The following SCN3B variants were observed in gnomAD, a reference collection of about 807,000 sequenced individuals.
SCN3B encodes the protein sodium channel regulatory subunit beta-3.
In SCN3B, 11 loss-of-function variants were observed where a neutral mutation model predicts 25.4. The observed-to-expected ratio is 0.43, with a 90% CI of 0.27 to 0.72. The LOEUF (loss-of-function observed/expected upper bound fraction) is 0.72. Among genes scored for constraint, SCN3B ranks in the 30% least tolerant of loss-of-function variants. The pLI is 0.18. For missense variants in SCN3B, 218 were observed against 278.3 expected (o/e 0.78, Z 1.54); for synonymous variants, 109 against 110.7 (o/e 0.99, Z 0.09).
chr11:123,636,763 G>A (rs1466176861), intron 5 of SCN3B, among the ~76,000 whole-genome samples: 2 of 151,398 alleles, frequency 1.3e-5, no homozygotes, highest in Non-Finnish European at 2.9e-5. Context: ...CCGTGATCTC[G>A]GCTCACTGCA....
chr11:123,653,534 G>A lies in SCN3B; in HGVS notation c.55+213C>T, dbSNP rs1591352341. 2.0e-5 allele frequency among the ~76,000 whole-genome samples: 3 copies of A among 152,242 alleles called. No homozygotes were observed. The East Asian group carries it at 5.8e-4, about 29-fold the overall frequency. ...GAAGGGCGGAAGAACCACCAAAGGA[G>A]GTTGGAGAATAGCGGGGAAGGGCGG... On this transcript the variant is annotated intron_variant, in intron 2 of 6. Transcript: ENST00000299333.
intron 3 of SCN3B, among the ~76,000 whole-genome samples, chr11:123,644,636 GT>G (rs1955826007): frequency 1.3e-5 from 2 of 151,888 alleles, no homozygotes; most frequent in South Asian, 4.2e-4. Context: ...GCTGGGCATG[GT>G]GGTGGTGCCT....
chr11:123,652,176 G>A (rs1333735081), intron 2 of SCN3B, among the ~76,000 whole-genome samples: 1 of 152,154 alleles, frequency 6.6e-6, no homozygotes, highest in African/African-American at 2.4e-5. Flanking sequence ...CTTTACCGAC[G>A]CTCTTTTTAT....
intron 2 of SCN3B, among the ~76,000 whole-genome samples, chr11:123,649,926 A>T (rs1955904629): frequency 6.6e-6 from 1 of 151,822 alleles, no homozygotes; most frequent in African/African-American, 2.4e-5. Context: ...CTAGTCTCAA[A>T]CTTCTGACCT....
intron 2 of SCN3B, 42 bp from the exon 3 acceptor site, chr11:123,645,792 T>G: frequency 1.2e-6 from 2 of 1,604,032 alleles, no homozygotes; most frequent in Non-Finnish European, 1.7e-6. Flanking sequence ...CAGCAGGTGG[T>G]GGGGGAGGGG....
intron 5 of SCN3B, among the ~76,000 whole-genome samples, chr11:123,636,847 C>G (rs140569001): frequency 1.2e-3 from 184 of 152,228 alleles, no homozygotes; most frequent in African/African-American, 4.2e-3. Flanking sequence ...GCACCCGCCA[C>G]CATGCCCGGC....
At position 123,630,499 on chromosome 11, in the gene SCN3B, T is replaced by C. The variant is rs1224669333; in HGVS notation, c.*3300A>G. Reference sequence around the variant, plus strand: ...TTGAGAACTCTTCTAAGCCCTTTAATAAGCAACATCATGCCAGATAAAGCT... The same window carrying C: ...TTGAGAACTCTTCTAAGCCCTTTAACAAGCAACATCATGCCAGATAAAGCT... On this transcript the variant is annotated 3_prime_UTR_variant, in exon 7 of 7. Coordinates refer to ENST00000299333, the MANE Select transcript of SCN3B (RefSeq NM_001040151.2). 2.0e-5 allele frequency: 3 copies of C among 152,750 alleles called. No individual in the cohort carries two copies. In the East Asian group the frequency reaches 5.8e-4, roughly 29 times the overall value. The allele number at this position is 152,750 out of a possible 1,614,324, so 9.5% of individuals were successfully genotyped here.
chr11:123,644,788 AGAGAG>A (rs1955828565), intron 3 of SCN3B, among the ~76,000 whole-genome samples: 3 of 104,870 alleles, frequency 2.9e-5, no homozygotes, highest in Non-Finnish European at 3.8e-5. Flanking sequence ...AGAGAGAGAG[AGAGAG>A]AGAGAGAATA....
At position 123,630,038 on chromosome 11, in the gene SCN3B, G is replaced by C. The variant is rs577354562; in HGVS notation, c.*3761C>G. ...CCAATAATTTTGGGGAGAGAGGAGG[G>C]AGTTGCTGTCTCCTACTTCCCAGCA... On this transcript the variant is annotated 3_prime_UTR_variant, in exon 7 of 7. Coordinates refer to ENST00000299333, the MANE Select transcript of SCN3B (RefSeq NM_001040151.2). The C allele has an allele frequency of 1.3e-5, 2 of 152,262 alleles. No homozygotes were observed. Among genetic ancestry groups the C allele is most frequent in the Admixed American group, 1.3e-4 (2 of 15,302 alleles). The allele number at this position is 152,262 out of a possible 1,614,324, so 9.4% of individuals were successfully genotyped here.
chr11:123,651,860 C>T (rs1955928890), intron 2 of SCN3B, among the ~76,000 whole-genome samples: 1 of 152,134 alleles, frequency 6.6e-6, no homozygotes, highest in African/African-American at 2.4e-5. Flanking sequence ...TCAATTCTAG[C>T]AATATTCTTC....
In SCN3B at chr11:123,630,947, GC is replaced by G. The variant is rs932585014; in HGVS notation, c.*2851del. On this transcript the variant is annotated 3_prime_UTR_variant, in exon 7 of 7. Transcript: ENST00000299333. ...CTGGATTCTTGCTGTCTACCTACCA[GC>G]TAGGTTTCCTTATAATTTAGTAAAG... The G allele has an allele frequency of 1.3e-4, 20 of 152,328 alleles. No homozygotes were observed. The highest frequency in any genetic ancestry group is 4.8e-4 in the African/African-American group (20 of 41,574). The allele number at this position is 152,328 out of a possible 1,614,324, so 9.4% of individuals were successfully genotyped here. A position where few individuals can be genotyped will look rare whatever the true frequency, so the allele number is the denominator to read the frequency against.
intron 2 of SCN3B, among the ~76,000 whole-genome samples, chr11:123,648,489 G>C (rs940724264): frequency 6.6e-6 from 1 of 152,096 alleles, no homozygotes; most frequent in African/African-American, 2.4e-5. Context: ...TTCTAAGCAC[G>C]AAGAATACAC....
In SCN3B at chr11:123,632,861, C is replaced by T. The variant is rs1465962704; in HGVS notation, c.*938G>A. The T allele has an allele frequency of 6.6e-6, 1 of 152,214 alleles. No homozygotes were observed. The highest frequency in any genetic ancestry group is 1.5e-5 in the Non-Finnish European group (1 of 68,050). 9.4% of individuals were successfully genotyped at this position (152,214 alleles called of 1,614,324 possible). On this transcript the variant is annotated 3_prime_UTR_variant, in exon 7 of 7. Transcript: ENST00000299333. ...AGTGTAAACTGGGCAGCACCTAAGG[C>T]TTATTTCTGCTCCAGTTTATCCTCT...
In SCN3B at chr11:123,647,102, A is replaced by G. The variant is rs76550750; in HGVS notation, c.56-1352T>C. ...ATAAGTTTAATGCAATAAAGAAAGA[A>G]TTTTATGATTTTGGAGCTGTTCACA... is the stretch of plus-strand genomic sequence containing the variant. On this transcript the variant is annotated intron_variant, in intron 2 of 6. Coordinates refer to ENST00000299333, the MANE Select transcript of SCN3B (RefSeq NM_001040151.2). Among the ~76,000 whole-genome samples the G allele has an allele frequency of 8.9e-3, 1,358 of 152,298 alleles. 8 individuals carry two copies. The highest frequency in any genetic ancestry group is 0.014 in the Non-Finnish European group (943 of 68,002).
intron 5 of SCN3B, among the ~76,000 whole-genome samples, chr11:123,635,578 C>T (rs1030892778): frequency 1.3e-5 from 2 of 151,516 alleles, no homozygotes; most frequent in African/African-American, 2.4e-5. Context: ...CCCAGCTACT[C>T]GGGAGGCTGA....
Position 123,638,208 on chromosome 11 carries a change from C to T in SCN3B, c.562G>A (p.Glu188Lys), listed in dbSNP as rs769173831. Residue 188 changes from glutamate to lysine, a missense_variant, in exon 5 of 7, where the codon GAA (glutamate) becomes AAA (lysine). Transcript: ENST00000299333. ...TACGCGTTTTCTTGGGCTGCCTCTT[C>T]GGCTTTTGAGACCTTTCTGTAGCAA... Reference protein sequence around the residue: ...IYCYRKVSKAEEAAQENASDY... With the variant: ...IYCYRKVSKAKEAAQENASDY... The T allele has an allele frequency of 1.5e-5, 25 of 1,613,968 alleles. No homozygotes were observed. The highest frequency in any genetic ancestry group is 2.7e-5 in the African/African-American group (2 of 74,906).
At position 123,642,439 on chromosome 11, in the gene SCN3B, G is replaced by A; in HGVS notation, c.445+7C>T. 6.2e-7 allele frequency: 1 copy of A among 1,613,946 alleles called. No individual in the cohort carries two copies. The highest frequency in any genetic ancestry group is 8.5e-7 in the Non-Finnish European group (1 of 1,179,896). The stretch of plus-strand genomic sequence containing the variant: ...GACGCCCTAGAGACCCTGTGCCTCA[G>A]CCTCACCCTCCTCGGTGACTCTTAG... On this transcript the variant is annotated splice_region_variant and intron_variant, in intron 4 of 6. Transcript: ENST00000299333. This position sits in a 1 kb window ranked among gnomAD's most constrained non-coding sequence, Gnocchi z 4.3.
At chr11:123,654,044 G>T (rs1955963920) in intron 1 of SCN3B, 182 bp downstream of exon 1, 1 of 578,344 alleles carries the variant, frequency 1.7e-6, no homozygotes. Context: ...CCGATCAGCC[G>T]CTCCGCGCCC....
At chr11:123,643,362 C>T (rs1401631211) in intron 3 of SCN3B, among the ~76,000 whole-genome samples, 3 of 152,268 alleles carry the variant, frequency 2.0e-5, no homozygotes, top group Non-Finnish European at 4.4e-5. Context: ...TTCCTCAACA[C>T]TTCCACCCTC....
Sources: gnomAD v4.1 joint callset for allele counts (sites outside exome capture counted in the v4.1 genomes callset) on GRCh38, gnomAD v4.1.1 for gene constraint, Gnocchi (gnomAD v3.1) non-coding constraint, MANE v1.5 for transcripts, NCBI Gene and HGNC (gene_info 2026-07-23, HGNC 2026-07-21) for gene names.